The following NFKB1 variants were observed in gnomAD, a reference collection of about 807,000 sequenced individuals.
NFKB1 encodes nuclear factor NF-kappa-B p105 subunit.
In NFKB1, 9 loss-of-function variants were observed where a neutral mutation model predicts 105.1. The ratio of observed to expected loss-of-function variants is 0.09; its 90% CI spans 0.05 to 0.15. NFKB1 has a LOEUF of 0.15. NFKB1 is among the 10% of genes least tolerant of loss of function. NFKB1 has a pLI of 1.00. For missense variants in NFKB1, 830 were observed against 1,203.7 expected, an observed-to-expected ratio of 0.69 and a Z score of 4.59; for synonymous variants, 440 against 442.2, an observed-to-expected ratio of 1.00 and a Z score of 0.06.
chr4:102,597,413 T>A (rs997580846), intron 14 of NFKB1, 107 bp from the exon 15 acceptor site: 2 of 1,144,462 alleles, frequency 1.7e-6, no homozygotes, highest in African/African-American at 3.1e-5. Flanking sequence ...TAAAATGATA[T>A]GTCAAGGTGT....
At chr4:102,540,724 C>G (rs1741944454) in intron 5 of NFKB1, among the ~76,000 whole-genome samples, 1 of 151,942 alleles carries the variant, frequency 6.6e-6, no homozygotes, top group Non-Finnish European at 1.5e-5. Flanking sequence ...TTTTATTTAT[C>G]CAAGAAATTC....
chr4:102,609,638 T>C (rs1376875789), intron 19 of NFKB1, among the ~76,000 whole-genome samples: 3 of 128,916 alleles, frequency 2.3e-5, no homozygotes, highest in African/African-American at 9.3e-5. Context: ...AAAAAAAGCG[T>C]CAGTTAAGAG....
intron 1 of NFKB1, among the ~76,000 whole-genome samples, chr4:102,525,106 G>A (rs894696884): frequency 1.3e-5 from 2 of 152,050 alleles, no homozygotes; most frequent in African/African-American, 2.4e-5. Flanking sequence ...ACCATCACAA[G>A]GTTTATGAAG....
Position 102,584,850 on chromosome 4 carries a change from ATATTT to A in NFKB1, c.1066+47_1066+51del, listed in dbSNP as rs751531962. The A allele has an allele frequency of 2.2e-5, 35 of 1,558,074 alleles. No homozygotes were observed. In the African/African-American group the frequency reaches 3.3e-4, roughly 15 times the overall value. On this transcript the variant is annotated intron_variant, in intron 11 of 23. Transcript: ENST00000226574. ...GTCAGTTGTTTAAAATCTTATGCTC[ATATTT>A]TATTTTATTTTATTTTTGGTTTTTG...
chr4:102,554,144 A>G (rs1385545203), intron 5 of NFKB1, among the ~76,000 whole-genome samples: 3 of 152,116 alleles, frequency 2.0e-5, no homozygotes, highest in African/African-American at 7.2e-5. Context: ...TGATTCTGCA[A>G]ATGAAGAATT....
At position 102,582,888 on chromosome 4, in the gene NFKB1, T is replaced by C. The variant is rs766599860; in HGVS notation, c.858T>C (p.Tyr286=). ...VQKDDIQIRF[Y]EEEENGGVWE... Reference sequence around the variant, plus strand: ...CAGATGACATCCAGATTCGATTTTATGAAGAGGAAGAAAATGGTGGAGTCT... The same window carrying C: ...CAGATGACATCCAGATTCGATTTTACGAAGAGGAAGAAAATGGTGGAGTCT... Residue 286 remains tyrosine (Y), a synonymous_variant, in exon 10 of 24, where the codon TAT becomes TAC. Coordinates refer to ENST00000226574, the MANE Select transcript of NFKB1 (RefSeq NM_003998.4). 7 of 1,612,110 alleles carry C rather than the reference T, an allele frequency of 4.3e-6. No individual in the cohort carries two copies. The highest frequency in any genetic ancestry group is 5.9e-6 in the Non-Finnish European group (7 of 1,178,718).
intron 6 of NFKB1, among the ~76,000 whole-genome samples, chr4:102,569,425 G>A (rs1724136350): frequency 6.6e-6 from 1 of 152,052 alleles, no homozygotes. Context: ...GAGCAAACTT[G>A]CCACACACAT....
At chr4:102,540,750 G>T (rs1246790875) in intron 5 of NFKB1, among the ~76,000 whole-genome samples, 1 of 152,048 alleles carries the variant, frequency 6.6e-6, no homozygotes, top group Non-Finnish European at 1.5e-5. Flanking sequence ...TGGAAGGATG[G>T]GTAGGAGAGA....
chr4:102,526,297 A>G (rs933104297), intron 2 of NFKB1, among the ~76,000 whole-genome samples: 8 of 152,130 alleles, frequency 5.3e-5, no homozygotes, highest in African/African-American at 1.9e-4. Flanking sequence ...ATGTGTACAC[A>G]TGGATGTAGA....
At chr4:102,526,472 A>G (rs1740920178) in intron 2 of NFKB1, among the ~76,000 whole-genome samples, 1 of 152,124 alleles carries the variant, frequency 6.6e-6, no homozygotes, top group South Asian at 2.1e-4. Context: ...GCATGTAACA[A>G]AATTGCACTT....
chr4:102,554,252 A>G (rs937947131), intron 5 of NFKB1, among the ~76,000 whole-genome samples: 19 of 152,230 alleles, frequency 1.2e-4, no homozygotes, highest in African/African-American at 2.7e-4. Context: ...ATTAACCCAA[A>G]TGTTTTTATC....
chr4:102,562,739 C>T (rs761694457), intron 5 of NFKB1, among the ~76,000 whole-genome samples: 8 of 151,972 alleles, frequency 5.3e-5, no homozygotes, highest in Non-Finnish European at 8.8e-5. Flanking sequence ...GGTCTTGAGC[C>T]GGGCAGCCTG....
At chr4:102,580,176 G>A (rs2149186670) in intron 8 of NFKB1, among the ~76,000 whole-genome samples, 2 of 152,242 alleles carry the variant, frequency 1.3e-5, no homozygotes, top group South Asian at 4.1e-4. Flanking sequence ...GCAGAATCAT[G>A]GAAACAAATT....
At chr4:102,542,075 A>G (rs2149132841) in intron 5 of NFKB1, among the ~76,000 whole-genome samples, 1 of 152,280 alleles carries the variant, frequency 6.6e-6, no homozygotes, top group Admixed American at 6.5e-5. Context: ...TATAGCCTGT[A>G]TGGGTTACTC....
rs1441933891 is a variant in NFKB1, at chr4:102,569,338, A to G, written c.407+2203A>G. Reference sequence around the variant, plus strand: ...TCATAAAATGAGAGAGTTTCACTACAGAATCTTATCTTCAGGCTGTTTACA... The same window carrying G: ...TCATAAAATGAGAGAGTTTCACTACGGAATCTTATCTTCAGGCTGTTTACA... On this transcript the variant is annotated intron_variant, in intron 6 of 23. Coordinates refer to ENST00000226574, the MANE Select transcript of NFKB1 (RefSeq NM_003998.4). Among the ~76,000 whole-genome samples, 6 of 152,282 alleles carry G rather than the reference A, an allele frequency of 3.9e-5. No individual in the cohort carries two copies. In the East Asian group the frequency reaches 9.6e-4, roughly 24 times the overall value.
rs1740853424 is a variant in NFKB1 at position 102,525,509 on chromosome 4, C to G, written c.-7-3C>G. ...TTTTGTTTTGTTTTGTTTTAATACACAGCTTCAGAATGGCAGAAGATGATC... is the reference window on the plus strand; with the variant it reads ...TTTTGTTTTGTTTTGTTTTAATACAGAGCTTCAGAATGGCAGAAGATGATC... On this transcript the variant is annotated splice_region_variant and splice_polypyrimidine_tract_variant and intron_variant, in intron 1 of 23. Transcript: ENST00000226574. 6.2e-7 allele frequency: 1 copy of G among 1,612,948 alleles called. No homozygotes were observed. Among genetic ancestry groups the G allele is most frequent in the African/African-American group, 1.3e-5 (1 of 74,846 alleles).
chr4:102,542,531 CAAATA>C (rs1235300707), intron 5 of NFKB1, among the ~76,000 whole-genome samples: 1 of 152,050 alleles, frequency 6.6e-6, no homozygotes, highest in Non-Finnish European at 1.5e-5. Flanking sequence ...CTCTCTCTCT[CAAATA>C]AAATAGTTAC....
At chr4:102,584,603 T>A (rs375387991) in intron 10 of NFKB1, 79 bp from the exon 11 acceptor site, 1 of 1,351,654 alleles carries the variant, frequency 7.4e-7, no homozygotes. Flanking sequence ...GCATAAGGAA[T>A]GTGTTTAATG....
chr4:102,616,510 T>C lies in NFKB1; in HGVS notation c.2826T>C (p.Ser942=). 1 of 1,614,122 alleles carries C rather than the reference T, an allele frequency of 6.2e-7. No individual in the cohort carries two copies. The highest frequency in any genetic ancestry group is 8.5e-7 in the Non-Finnish European group (1 of 1,180,020). Residue 942 remains serine (S), a synonymous_variant, in exon 24 of 24, where the codon TCT becomes TCC. Transcript: ENST00000226574. ...TCCGCAAACTCAGCTTTACCGAGTC[T>C]CTGACCAGTGGTGCCTCACTGCTAA... ...TSFRKLSFTE[S]LTSGASLLTL...
Sources: gnomAD v4.1 joint callset for allele counts (sites outside exome capture counted in the v4.1 genomes callset) on GRCh38, gnomAD v4.1.1 for gene constraint, MANE v1.5 for transcripts, NCBI Gene and HGNC (gene_info 2026-07-23, HGNC 2026-07-21) for gene names.